Variants in SPON1 observed in about 807,000 individuals in gnomAD.
The protein encoded by SPON1 is spondin-1.
A neutral mutation model predicts 111.7 loss-of-function variants in SPON1; 52 were observed. The ratio of observed to expected loss-of-function variants is 0.47; its 90% confidence interval spans 0.37 to 0.59. SPON1 has a LOEUF of 0.59. SPON1 is among the 20% of genes least tolerant of loss of function. The probability of loss-of-function intolerance (pLI) is 0.00; values close to 1 mark genes in which losing one functional copy is unlikely to be tolerated. For synonymous variants in SPON1, 410 were observed against 395.8 expected, an observed-to-expected ratio of 1.04 and a Z score of -0.43; for missense variants, 957 against 1,068.5, an observed-to-expected ratio of 0.90 and a Z score of 1.46.
chr11:14,170,997 C>T lies in SPON1; in HGVS notation c.825+35429C>T, dbSNP rs372659805. 2.2e-4 allele frequency among the ~76,000 whole-genome samples: 33 copies of T among 152,248 alleles called. No homozygotes were observed. In the East Asian group the frequency reaches 3.3e-3, roughly 15 times the overall value. ...CTGCCAGACTTTGGTGTCAGGATGA[C>T]GCTGGCCTCATAAAATGAGTTAGGG... is the stretch of plus-strand genomic sequence containing the variant. On this transcript the variant is annotated intron_variant, in intron 6 of 15. Coordinates refer to ENST00000576479, the MANE Select transcript of SPON1 (RefSeq NM_006108.4).
At chr11:14,256,072 C>T (rs1849103876) in intron 9 of SPON1, among the ~76,000 whole-genome samples, 2 of 152,134 alleles carry the variant, frequency 1.3e-5, no homozygotes, top group Admixed American at 6.5e-5. Flanking sequence ...CATGGTGAAA[C>T]CCCATCTCTA....
At chr11:13,976,784 C>G (rs1440154090) in intron 1 of SPON1, among the ~76,000 whole-genome samples, 1 of 152,150 alleles carries the variant, frequency 6.6e-6, no homozygotes, top group Non-Finnish European at 1.5e-5. Flanking sequence ...TAACCAGCAC[C>G]CAGATCAAGA....
At chr11:13,987,264 C>A (rs12275446) in intron 2 of SPON1, among the ~76,000 whole-genome samples, 2 of 152,160 alleles carry the variant, frequency 1.3e-5, no homozygotes, top group Admixed American at 1.3e-4. Context: ...TTCTAACTGG[C>A]GTGAGATGGT....
At chr11:14,126,776 C>G (rs2133856467) in intron 5 of SPON1, among the ~76,000 whole-genome samples, 1 of 152,310 alleles carries the variant, frequency 6.6e-6, no homozygotes, top group Non-Finnish European at 1.5e-5. Context: ...CAAGCTTTAA[C>G]CTCGTCTCCT....
chr11:14,256,211 C>T (rs1005382795), intron 9 of SPON1, among the ~76,000 whole-genome samples: 3 of 152,086 alleles, frequency 2.0e-5, no homozygotes, highest in Non-Finnish European at 4.4e-5. Context: ...TGCGCCATTG[C>T]GCTCCAGTCT....
At chr11:13,975,665 A>AG (rs1204356684) in intron 1 of SPON1, among the ~76,000 whole-genome samples, 3 of 152,290 alleles carry the variant, frequency 2.0e-5, no homozygotes, top group East Asian at 3.9e-4. Context: ...GGCTGTAGGA[A>AG]GCCTTGCTTT....
At chr11:14,144,052 T>G (rs1847689934) in intron 6 of SPON1, among the ~76,000 whole-genome samples, 1 of 152,192 alleles carries the variant, frequency 6.6e-6, no homozygotes, top group African/African-American at 2.4e-5. Flanking sequence ...TCACTGAGCC[T>G]TAGATTTTAC....
intron 5 of SPON1, among the ~76,000 whole-genome samples, chr11:14,113,714 T>C (rs1554925702): frequency 2.7e-5 from 4 of 149,754 alleles, no homozygotes; most frequent in Non-Finnish European, 4.4e-5. Flanking sequence ...GCCATTCTCC[T>C]GCCTCAGCCT....
At chr11:14,202,335 G>A (rs7937337) in intron 6 of SPON1, among the ~76,000 whole-genome samples, 2,148 of 152,290 alleles carry the variant, frequency 0.014, 53 homozygotes, top group African/African-American at 0.049. Context: ...TGCAGTCATC[G>A]CCGTCCTGTG....
chr11:14,254,452 A>G, intron 7 of SPON1, 76 bp from the exon 8 acceptor site: 1 of 1,302,304 alleles, frequency 7.7e-7, no homozygotes, highest in Non-Finnish European at 1.1e-6. Flanking sequence ...ATTCTTCATA[A>G]TCCAGGCAGA....
intron 6 of SPON1, among the ~76,000 whole-genome samples, chr11:14,148,113 C>A (rs530632050): frequency 6.6e-6 from 1 of 152,174 alleles, no homozygotes; most frequent in South Asian, 2.1e-4. Context: ...TAGGCACATT[C>A]TATTTATTGG....
intron 2 of SPON1, among the ~76,000 whole-genome samples, chr11:13,983,664 T>C (rs926357493): frequency 6.6e-6 from 1 of 152,060 alleles, no homozygotes; most frequent in Admixed American, 6.6e-5. Context: ...CTTTCAGAGG[T>C]TTAGAAAAGA....
chr11:14,023,142 A>G (rs1848493060), intron 2 of SPON1, among the ~76,000 whole-genome samples: 2 of 152,258 alleles, frequency 1.3e-5, no homozygotes, highest in African/African-American at 4.8e-5. Context: ...GTTGGCAGGG[A>G]CCAGATTAGG....
chr11:13,979,569 C>G (rs1554909366), intron 1 of SPON1, among the ~76,000 whole-genome samples: 1 of 152,082 alleles, frequency 6.6e-6, no homozygotes, highest in African/African-American at 2.4e-5. Flanking sequence ...CAGGCATGGT[C>G]CCTTCAGGTA....
At chr11:14,033,375 A>G (rs536156925) in intron 2 of SPON1, among the ~76,000 whole-genome samples, 7 of 152,268 alleles carry the variant, frequency 4.6e-5, no homozygotes, top group African/African-American at 1.7e-4. Context: ...AACGCTTGCA[A>G]CTTCCTCTGG....
At chr11:13,971,798 C>G (rs1231563310) in intron 1 of SPON1, among the ~76,000 whole-genome samples, 1 of 152,140 alleles carries the variant, frequency 6.6e-6, no homozygotes, top group East Asian at 1.9e-4. Flanking sequence ...GGAATATCCT[C>G]AAAGCCAACA....
At chr11:14,034,548 A>T (rs782146375) in intron 2 of SPON1, among the ~76,000 whole-genome samples, 3 of 152,230 alleles carry the variant, frequency 2.0e-5, no homozygotes, top group Admixed American at 1.3e-4. Context: ...TTTAATTACC[A>T]TCTGGCAACT....
rs529854254 is a variant in SPON1 at position 14,081,045 on chromosome 11, C to T, written c.676+1024C>T. Among the ~76,000 whole-genome samples, 5 of 151,888 alleles carry T rather than the reference C, an allele frequency of 3.3e-5. No homozygotes were observed. In the South Asian group the frequency reaches 6.2e-4, roughly 19 times the overall value. ...GCTGCAGTGAGCCATGACCACACCACTACACTCCAGCCTGGGCAGCAGAGC... is the reference window on the plus strand; with the variant it reads ...GCTGCAGTGAGCCATGACCACACCATTACACTCCAGCCTGGGCAGCAGAGC... On this transcript the variant is annotated intron_variant, in intron 5 of 15. Transcript: ENST00000576479.
intron 1 of SPON1, among the ~76,000 whole-genome samples, chr11:13,975,938 A>C (rs1554909024): frequency 6.6e-6 from 1 of 152,120 alleles, no homozygotes; most frequent in Non-Finnish European, 1.5e-5. Flanking sequence ...ACCACTCACC[A>C]CCATCACCAT....
Sources: allele counts gnomAD v4.1 joint callset (sites outside exome capture counted in the v4.1 genomes callset), GRCh38; gene constraint gnomAD v4.1.1; transcripts MANE v1.5; gene names NCBI Gene and HGNC (gene_info 2026-07-23, HGNC 2026-07-21).